AP3M1: variants seen among roughly 807,000 people sequenced by gnomAD.
AP3M1 encodes AP-3 complex subunit mu-1.
Under a neutral mutation model 42.6 loss-of-function variants are expected in AP3M1, and 29 were observed. The ratio of observed to expected loss-of-function variants is 0.68; its 90% CI spans 0.51 to 0.93. AP3M1 has a LOEUF of 0.93. Among genes scored for constraint, AP3M1 ranks in the 40% least tolerant of loss-of-function variants. The pLI is 0.00. For missense variants in AP3M1, 416 were observed against 510.2 expected, an observed-to-expected ratio of 0.82 and a Z score of 1.78; for synonymous variants, 178 against 175.3, an observed-to-expected ratio of 1.02 and a Z score of -0.12.
intron 1 of AP3M1, among the ~76,000 whole-genome samples, chr10:74,148,696 A>G (rs1841410422): frequency 6.6e-6 from 1 of 152,012 alleles, no homozygotes; most frequent in African/African-American, 2.4e-5. Context: ...AGCTAGGACT[A>G]CAACCACATG....
chr10:74,136,562 C>A (rs568951427), intron 3 of AP3M1, 70 bp downstream of exon 3: 1 of 1,232,562 alleles, frequency 8.1e-7, no homozygotes, highest in East Asian at 2.6e-5. Flanking sequence ...TATGTCAGAT[C>A]ATGAGCAATA....
At chr10:74,146,801 G>A (rs1841342650) in intron 1 of AP3M1, among the ~76,000 whole-genome samples, 1 of 151,798 alleles carries the variant, frequency 6.6e-6, no homozygotes, top group African/African-American at 2.4e-5. Context: ...GCTTATGGCA[G>A]GAACTCCAAC....
At chr10:74,138,899 C>A (rs1265991780) in intron 1 of AP3M1, 1 of 143,038 alleles carries the variant, frequency 7.0e-6, no homozygotes, top group African/African-American at 2.7e-5. Flanking sequence ...TGCGCCACTG[C>A]ACTCCAGCCT....
At position 74,138,127 on chromosome 10, in the gene AP3M1, G is replaced by T. The variant is rs372550482; in HGVS notation, c.253C>A (p.Arg85=). The change falls in exon 2 of 9, where the codon CGA becomes AGA. Residue 85 remains arginine, a synonymous_variant. Coordinates refer to ENST00000355264, the MANE Select transcript of AP3M1 (RefSeq NM_012095.6). ...PPLFVIEFLH[R]VADTFQDYFG... is the part of the protein sequence containing the mutation. ...CCAACCTGAAAAGTGTCAGCAACTCGATGTAGGAACTCAATTACAAAGAGA... is the reference window on the plus strand; with the variant it reads ...CCAACCTGAAAAGTGTCAGCAACTCTATGTAGGAACTCAATTACAAAGAGA... The T allele has an allele frequency of 3.7e-6, 6 of 1,613,798 alleles. No homozygotes were observed. In the East Asian group the frequency reaches 1.3e-4, roughly 36 times the overall value.
intron 2 of AP3M1, among the ~76,000 whole-genome samples, chr10:74,137,138 G>A (rs979314295): frequency 6.6e-6 from 1 of 152,144 alleles, no homozygotes; most frequent in African/African-American, 2.4e-5. Context: ...TACTTGGGAG[G>A]CTGAGGCGGG....
chr10:74,149,073 A>G (rs530944925), intron 1 of AP3M1, among the ~76,000 whole-genome samples: 5 of 151,186 alleles, frequency 3.3e-5, no homozygotes, highest in South Asian at 2.1e-4. Context: ...GGGTTTCTCC[A>G]TATTTGCCAG....
intron 1 of AP3M1, among the ~76,000 whole-genome samples, chr10:74,145,384 C>T (rs910198841): frequency 1.3e-5 from 2 of 152,164 alleles, no homozygotes; most frequent in Non-Finnish European, 2.9e-5. Context: ...GAGATGAAAG[C>T]ATAACACTTG....
At position 74,129,979 on chromosome 10, in the gene AP3M1, A is replaced by G; in HGVS notation, c.597T>C (p.Phe199=). 6.2e-7 allele frequency: 1 copy of G among 1,604,188 alleles called. No homozygotes were observed. Among genetic ancestry groups the G allele is most frequent in the South Asian group, 1.1e-5 (1 of 90,760 alleles). ...CATCAATGACCCCCTGAATTTCTGC[A>G]AAGACTGTAGATCCTGAAGAAAGAA... ...AIIDKSGSTV[F]AEIQGVIDAC... Residue 199 remains phenylalanine (F), a synonymous_variant, in exon 5 of 9, where the codon TTT becomes TTC. Coordinates refer to ENST00000355264, the MANE Select transcript of AP3M1 (RefSeq NM_012095.6).
chr10:74,150,560 A>G (rs998287888), intron 1 of AP3M1, 195 bp downstream of exon 1: 1 of 152,816 alleles, frequency 6.5e-6, no homozygotes, highest in African/African-American at 2.4e-5. Flanking sequence ...ACTGGGCTGC[A>G]GGTGGACCGC....
chr10:74,128,275 C>T (rs963826075), intron 6 of AP3M1, among the ~76,000 whole-genome samples: 3 of 151,190 alleles, frequency 2.0e-5, no homozygotes, highest in African/African-American at 7.3e-5. Flanking sequence ...GAGTTTTACC[C>T]TGTTGGCCAG....
In AP3M1 at chr10:74,122,291, A is replaced by T. The variant is rs1284963024; in HGVS notation, c.*1519T>A. 1 of 152,192 alleles carries T rather than the reference A, an allele frequency of 6.6e-6. No individual in the cohort carries two copies. The highest frequency in any genetic ancestry group is 2.4e-5 in the African/African-American group (1 of 41,454). The allele number at this position is 152,192 out of a possible 1,614,324, so 9.4% of individuals were successfully genotyped here. ...CAACCAGCAGCCCTTGACAGCATAG[A>T]TGGGATGAGTGTAAGGGCTATCCTT... On this transcript the variant is annotated 3_prime_UTR_variant, in exon 9 of 9. Coordinates refer to ENST00000355264, the MANE Select transcript of AP3M1 (RefSeq NM_012095.6).
chr10:74,125,090 C>G (rs570669539), intron 7 of AP3M1, among the ~76,000 whole-genome samples: 3 of 152,178 alleles, frequency 2.0e-5, no homozygotes, highest in Non-Finnish European at 4.4e-5. Context: ...AAGCGATGCT[C>G]CTGCCTCAGC....
At chr10:74,147,795 T>C (rs1297744599) in intron 1 of AP3M1, among the ~76,000 whole-genome samples, 1 of 151,896 alleles carries the variant, frequency 6.6e-6, no homozygotes, top group Admixed American at 6.6e-5. Context: ...GGTCAGGAGT[T>C]CGAGACCAGC....
chr10:74,140,184 C>T (rs997462266), intron 1 of AP3M1, among the ~76,000 whole-genome samples: 3 of 152,142 alleles, frequency 2.0e-5, no homozygotes, highest in African/African-American at 7.2e-5. Context: ...GGCCCTGGGG[C>T]GCACACATCC....
chr10:74,130,585 C>A (rs1840751656), intron 4 of AP3M1, among the ~76,000 whole-genome samples: 1 of 151,744 alleles, frequency 6.6e-6, no homozygotes, highest in Non-Finnish European at 1.5e-5. Flanking sequence ...GTACTACAGG[C>A]ATGCACCTCC....
chr10:74,139,497 T>G (rs1171352583), intron 1 of AP3M1, among the ~76,000 whole-genome samples: 1 of 150,920 alleles, frequency 6.6e-6, no homozygotes, highest in Non-Finnish European at 1.5e-5. Flanking sequence ...TAAAACAATT[T>G]CAGGCCGGGC....
chr10:74,146,570 T>C (rs950746724), intron 1 of AP3M1, among the ~76,000 whole-genome samples: 4 of 151,984 alleles, frequency 2.6e-5, no homozygotes, highest in Non-Finnish European at 4.4e-5. Flanking sequence ...TGTGTGGAGA[T>C]GAGAGAGATG....
chr10:74,134,202 A>G (rs201763864), intron 3 of AP3M1, 38 bp from the exon 4 acceptor site: 1 of 1,565,680 alleles, frequency 6.4e-7, no homozygotes, highest in East Asian at 2.3e-5. Flanking sequence ...GCTGATGTAT[A>G]AAACAGTCAT....
chr10:74,141,261 TA>T (rs559748391), intron 1 of AP3M1, among the ~76,000 whole-genome samples: 1 of 151,864 alleles, frequency 6.6e-6, no homozygotes, highest in South Asian at 2.1e-4. Context: ...CCCGTCTCTA[TA>T]AAAAAATTTA....
Sources: allele counts gnomAD v4.1 joint callset (sites outside exome capture counted in the v4.1 genomes callset), GRCh38; gene constraint gnomAD v4.1.1; transcripts MANE v1.5; gene names NCBI Gene and HGNC (gene_info 2026-07-23, HGNC 2026-07-21).